The following SAMD12 variants were observed in gnomAD, a reference collection of about 807,000 sequenced individuals.
SAMD12 encodes sterile alpha motif domain containing 12, also known as sterile alpha motif domain-containing protein 12.
SAMD12 carries 9 observed loss-of-function variants against 15.0 expected under a neutral mutation model. The observed-to-expected ratio is 0.60, with a 90% confidence interval of 0.36 to 1.05. The LOEUF is 1.05. SAMD12 is among the 50% of genes least tolerant of loss of function. The pLI is 0.01. For missense variants in SAMD12, 230 were observed against 234.2 expected (o/e 0.98, Z 0.12); for synonymous variants, 86 against 90.1 (o/e 0.96, Z 0.25).
chr8:118,226,035 AC>A (rs1439813106), intron 4 of SAMD12, among the ~76,000 whole-genome samples: 1 of 152,150 alleles, frequency 6.6e-6, no homozygotes, highest in Non-Finnish European at 1.5e-5. Flanking sequence ...CAGTAGGAAG[AC>A]AAAAGGACTC....
intron 1 of SAMD12, among the ~76,000 whole-genome samples, chr8:118,618,228 T>C (rs1326915303): frequency 6.6e-6 from 1 of 151,914 alleles, no homozygotes; most frequent in African/African-American, 2.4e-5. Flanking sequence ...CACAGGGTAG[T>C]TACAAAACAA....
the SAMD12 span, among the ~76,000 whole-genome samples, chr8:118,177,995 C>T: frequency 6.6e-6 from 1 of 152,156 alleles, no homozygotes; most frequent in African/African-American, 2.4e-5. Flanking sequence ...TGAATTGAAA[C>T]GTCCATAAAT....
At chr8:118,560,430 C>G (rs552075810) in intron 2 of SAMD12, among the ~76,000 whole-genome samples, 6 of 152,264 alleles carry the variant, frequency 3.9e-5, no homozygotes, top group East Asian at 1.9e-4. Context: ...TCTATACTAC[C>G]CTTCCACCCA....
At chr8:118,464,790 T>C (rs1169994346) in intron 2 of SAMD12, among the ~76,000 whole-genome samples, 4 of 152,276 alleles carry the variant, frequency 2.6e-5, no homozygotes, top group Middle Eastern at 3.4e-3. Context: ...TTGGGGCTAA[T>C]AATCAATTAT....
chr8:118,483,031 C>T (rs1017253581), intron 2 of SAMD12, among the ~76,000 whole-genome samples: 4 of 152,104 alleles, frequency 2.6e-5, no homozygotes, highest in Non-Finnish European at 5.9e-5. Flanking sequence ...TGATCTTTGC[C>T]ATCCATCTCA....
At chr8:118,484,325 G>C (rs191034902) in intron 2 of SAMD12, among the ~76,000 whole-genome samples, 27 of 152,324 alleles carry the variant, frequency 1.8e-4, no homozygotes, top group African/African-American at 6.3e-4. Context: ...TTTCAGTTAT[G>C]TAGGATGAGT....
intron 1 of SAMD12, among the ~76,000 whole-genome samples, chr8:118,608,340 C>T (rs1032897205): frequency 3.3e-5 from 5 of 151,928 alleles, no homozygotes; most frequent in African/African-American, 1.2e-4. Context: ...CTACCACTGG[C>T]TGTCTCTGCT....
chr8:118,201,607 G>A (rs1168376600), intron 4 of SAMD12, among the ~76,000 whole-genome samples: 1 of 152,198 alleles, frequency 6.6e-6, no homozygotes, highest in African/African-American at 2.4e-5. Flanking sequence ...TAGTTGTAAA[G>A]TTAATAAAGA....
At chr8:118,276,642 G>T (rs1813480972) in intron 4 of SAMD12, among the ~76,000 whole-genome samples, 1 of 152,020 alleles carries the variant, frequency 6.6e-6, no homozygotes, top group Non-Finnish European at 1.5e-5. Context: ...CAACTTTTTT[G>T]TTTTGTAGTA....
intron 4 of SAMD12, among the ~76,000 whole-genome samples, chr8:118,318,197 G>A (rs1415060653): frequency 6.6e-6 from 1 of 150,878 alleles, no homozygotes; most frequent in African/African-American, 2.4e-5. Context: ...CCCACTAGTG[G>A]GTATCTACCC....
intron 2 of SAMD12, among the ~76,000 whole-genome samples, chr8:118,571,526 C>A (rs1183611387): frequency 1.3e-5 from 2 of 151,970 alleles, no homozygotes; most frequent in Non-Finnish European, 2.9e-5. Context: ...CATCACAGGC[C>A]TGGAGTAGGC....
chr8:118,346,749 C>T (rs1211395932), intron 4 of SAMD12, among the ~76,000 whole-genome samples: 3 of 152,210 alleles, frequency 2.0e-5, no homozygotes, highest in Non-Finnish European at 4.4e-5. Context: ...AGGGAAAAGG[C>T]ACCTGGGACA....
In SAMD12 at chr8:118,330,741, A is replaced by G. The variant is rs572722172; in HGVS notation, c.433+48819T>C. The stretch of plus-strand genomic sequence containing the variant: ...TTTAAAACTCAATGAAAAGCAGTAA[A>G]GAGGAGAATCATCCCTTAATGAAAC... On this transcript the variant is annotated intron_variant, in intron 4 of 4. Coordinates refer to the SAMD12 transcript ENST00000409003. Among the ~76,000 whole-genome samples the G allele has an allele frequency of 2.0e-5, 3 of 152,332 alleles. No homozygotes were observed. The East Asian group carries it at 5.8e-4, about 29-fold the overall frequency.
exon 5 of SAMD12, chr8:118,195,399 G>T (rs1040245336): frequency 6.6e-6 from 1 of 152,206 alleles, no homozygotes; most frequent in Non-Finnish European, 1.5e-5. Context: ...CAGCGTAGTG[G>T]TGAATGGTTG....
At chr8:118,285,496 T>A (rs946202460) in intron 4 of SAMD12, among the ~76,000 whole-genome samples, 1 of 152,234 alleles carries the variant, frequency 6.6e-6, no homozygotes, top group African/African-American at 2.4e-5. Context: ...CACTGTGGCA[T>A]CAACAGTCTT....
exon 5 of SAMD12, chr8:118,194,088 T>C (rs534735126): frequency 6.6e-6 from 1 of 152,294 alleles, no homozygotes; most frequent in East Asian, 1.9e-4. Flanking sequence ...TATGTGACAT[T>C]TGCAGACAAA....
chr8:118,445,139 T>A (rs1384548112), intron 2 of SAMD12, among the ~76,000 whole-genome samples: 1 of 152,156 alleles, frequency 6.6e-6, no homozygotes, highest in Non-Finnish European at 1.5e-5. Context: ...TACTCAAGAT[T>A]ACAGAGAGAG....
At chr8:118,306,435 A>C (rs1411693787) in intron 4 of SAMD12, among the ~76,000 whole-genome samples, 1 of 152,032 alleles carries the variant, frequency 6.6e-6, no homozygotes. Context: ...ATGACTCTAA[A>C]CCTTCTTTAA....
intron 2 of SAMD12, among the ~76,000 whole-genome samples, chr8:118,460,896 A>C (rs1448236635): frequency 6.6e-6 from 1 of 152,162 alleles, no homozygotes; most frequent in East Asian, 1.9e-4. Flanking sequence ...ACATGACGGC[A>C]CCAACTTACC....
Sources: allele counts gnomAD v4.1 joint callset (sites outside exome capture counted in the v4.1 genomes callset), GRCh38; gene constraint gnomAD v4.1.1; transcripts MANE v1.5; gene names NCBI Gene and HGNC (gene_info 2026-07-23, HGNC 2026-07-21).